Variants in FAM110B observed in about 807,000 individuals in gnomAD.
FAM110B encodes the protein protein FAM110B.
FAM110B carries 6 observed loss-of-function variants against 20.4 expected under a neutral mutation model. That is an observed-to-expected ratio of 0.29 (90% CI 0.16 to 0.58). FAM110B has a LOEUF of 0.58. Among genes scored for constraint, FAM110B ranks in the 20% least tolerant of loss-of-function variants. The pLI, the probability that FAM110B is intolerant of heterozygous loss-of-function variation, is 0.90. For missense variants in FAM110B, 434 were observed against 498.2 expected (o/e 0.87, Z 1.23); for synonymous variants, 226 against 214.1 (o/e 1.06, Z -0.49).
intron 2 of FAM110B, among the ~76,000 whole-genome samples, chr8:58,063,931 T>C (rs1252627418): frequency 6.6e-6 from 1 of 152,208 alleles, no homozygotes; most frequent in African/African-American, 2.4e-5. Flanking sequence ...AGAGGTTTAA[T>C]TGGCTCATGG....
intron 2 of FAM110B, chr8:58,070,345 A>G (rs1805864996): frequency 2.0e-5 from 3 of 152,256 alleles, no homozygotes; most frequent in Non-Finnish European, 4.4e-5. Flanking sequence ...CGTTAAGGAC[A>G]GCCGGCTGCT....
chr8:58,005,983 T>G (rs1804394396), intron 1 of FAM110B, among the ~76,000 whole-genome samples: 1 of 152,194 alleles, frequency 6.6e-6, no homozygotes. Flanking sequence ...TTTATCATTT[T>G]TTTTTCAGAA....
intron 3 of FAM110B, among the ~76,000 whole-genome samples, chr8:58,113,815 C>A (rs1563374810): frequency 6.6e-6 from 1 of 152,166 alleles, no homozygotes; most frequent in Admixed American, 6.5e-5. Context: ...TTTTTAATGT[C>A]ACTTCATAGG....
chr8:58,055,341 G>C (rs1249057870), intron 2 of FAM110B, among the ~76,000 whole-genome samples: 2 of 152,210 alleles, frequency 1.3e-5, no homozygotes, highest in Non-Finnish European at 2.9e-5. Context: ...GGTTTTAGCA[G>C]ACTGTGTTGG....
chr8:58,056,066 G>C (rs1354635450), intron 2 of FAM110B, among the ~76,000 whole-genome samples: 1 of 152,158 alleles, frequency 6.6e-6, no homozygotes, highest in Non-Finnish European at 1.5e-5. Context: ...TGTAAATAAA[G>C]TTTTATTAGC....
intron 2 of FAM110B, among the ~76,000 whole-genome samples, chr8:58,045,333 A>T (rs1391439741): frequency 6.6e-6 from 1 of 152,154 alleles, no homozygotes; most frequent in Non-Finnish European, 1.5e-5. Context: ...CAGTGTTAAT[A>T]GTAGGATGAG....
chr8:58,023,770 G>C (rs765203338), intron 1 of FAM110B, among the ~76,000 whole-genome samples: 2 of 152,088 alleles, frequency 1.3e-5, no homozygotes, highest in African/African-American at 2.4e-5. Context: ...TGAAATCGTG[G>C]AAAATGACAA....
intron 3 of FAM110B, among the ~76,000 whole-genome samples, chr8:58,131,382 C>T (rs1054842119): frequency 1.3e-5 from 2 of 152,144 alleles, no homozygotes; most frequent in African/African-American, 4.8e-5. Context: ...CCCCCGCAAC[C>T]CCATTAGCTG....
intron 3 of FAM110B, among the ~76,000 whole-genome samples, chr8:58,076,014 G>A (rs908403127): frequency 6.6e-6 from 1 of 151,988 alleles, no homozygotes; most frequent in Non-Finnish European, 1.5e-5. Flanking sequence ...CAGGCTGGAG[G>A]GCAGTGGTGT....
chr8:58,046,238 T>C (rs562519464), intron 2 of FAM110B, among the ~76,000 whole-genome samples: 2 of 152,344 alleles, frequency 1.3e-5, no homozygotes, highest in African/African-American at 4.8e-5. Context: ...TGAATTTTTA[T>C]ATTTTATGCA....
intron 3 of FAM110B, among the ~76,000 whole-genome samples, chr8:58,088,865 T>C (rs1033138963): frequency 6.6e-6 from 1 of 152,258 alleles, no homozygotes; most frequent in African/African-American, 2.4e-5. Flanking sequence ...CCTTGTAAAC[T>C]TGATCCTTTG....
At chr8:58,140,610 A>T (rs1244916984) in intron 3 of FAM110B, among the ~76,000 whole-genome samples, 1 of 152,158 alleles carries the variant, frequency 6.6e-6, no homozygotes, top group African/African-American at 2.4e-5. Context: ...AGGGGAGTTT[A>T]AAAAAATACA....
chr8:58,083,557 A>G (rs1806255193), intron 3 of FAM110B, among the ~76,000 whole-genome samples: 1 of 152,192 alleles, frequency 6.6e-6, no homozygotes, highest in East Asian at 1.9e-4. Context: ...CAGAGATTCA[A>G]TTATTTGTGA....
chr8:58,117,310 T>G lies in FAM110B; in HGVS notation c.-324-28597T>G, dbSNP rs181899397. ...TATTCTAATTTACATCCCAGTGGGA[T>G]GACCCATGAACCAGTATTCGAGAAA... On this transcript the variant is annotated intron_variant, in intron 3 of 3. Transcript: ENST00000519262. Among the ~76,000 whole-genome samples the G allele has an allele frequency of 4.0e-3, 613 of 152,312 alleles. 7 individuals carry two copies. Among genetic ancestry groups the G allele is most frequent in the African/African-American group, 0.014 (591 of 41,560 alleles).
chr8:58,084,539 G>A lies in FAM110B; in HGVS notation c.-325+8916G>A, dbSNP rs1377239156. Among the ~76,000 whole-genome samples, 4 of 151,870 alleles carry A rather than the reference G, an allele frequency of 2.6e-5. No individual in the cohort carries two copies. The South Asian group carries it at 8.3e-4, about 32-fold the overall frequency. ...CAAGTAGCTGGGACTACAGGCACTC[G>A]CCACCATGCCCAGCTAATTTTTGTA... On this transcript the variant is annotated intron_variant, in intron 3 of 3. Transcript: ENST00000519262.
Position 58,044,129 on chromosome 8 carries a change from T to C in FAM110B, c.-414+12426T>C, listed in dbSNP as rs560537402. On this transcript the variant is annotated intron_variant, in intron 2 of 3. Transcript: ENST00000519262. ...GAATAAAGCACCTCATCTGTGCTAC[T>C]TGTGAATTACTTTCTAGAGCAGCAT... Among the ~76,000 whole-genome samples the C allele has an allele frequency of 3.9e-5, 6 of 152,362 alleles. No homozygotes were observed. In the South Asian group the frequency reaches 1.2e-3, roughly 32 times the overall value.
At chr8:58,072,389 A>G (rs1212924059) in intron 2 of FAM110B, among the ~76,000 whole-genome samples, 1 of 152,192 alleles carries the variant, frequency 6.6e-6, no homozygotes, top group Non-Finnish European at 1.5e-5. Context: ...ATATGAATGT[A>G]TCTGTGTACT....
intron 3 of FAM110B, among the ~76,000 whole-genome samples, chr8:58,079,311 G>A (rs529295906): frequency 1.3e-5 from 2 of 152,320 alleles, no homozygotes; most frequent in South Asian, 4.1e-4. Context: ...GGGAAAAGAA[G>A]CAGGGATTTT....
intron 3 of FAM110B, among the ~76,000 whole-genome samples, chr8:58,089,903 G>C (rs1195896243): frequency 6.6e-6 from 1 of 152,160 alleles, no homozygotes; most frequent in Non-Finnish European, 1.5e-5. Context: ...TATGATTTCT[G>C]TCCTTCTCAT....
Sources: allele counts gnomAD v4.1 joint callset (sites outside exome capture counted in the v4.1 genomes callset), GRCh38; gene constraint gnomAD v4.1.1; transcripts MANE v1.5; gene names NCBI Gene and HGNC (gene_info 2026-07-23, HGNC 2026-07-21).